TGFA: variants seen among roughly 807,000 people sequenced by gnomAD.
TGFA encodes the protein transforming growth factor alpha, also known as protransforming growth factor alpha.
In TGFA, 12 loss-of-function variants were observed where a neutral mutation model predicts 21.7. The observed-to-expected ratio is 0.55, with a 90% CI of 0.35 to 0.90. The LOEUF (loss-of-function observed/expected upper bound fraction) is 0.90, where lower values mean the gene tolerates loss of function less well. Ranked by LOEUF, TGFA falls within the 40% of genes least tolerant of loss-of-function variation. The pLI is 0.01. For missense variants in TGFA, 178 were observed against 210.8 expected, an observed-to-expected ratio of 0.84 and a Z score of 0.96; for synonymous variants, 79 against 88.1, an observed-to-expected ratio of 0.90 and a Z score of 0.58.
intron 5 of TGFA, among the ~76,000 whole-genome samples, chr2:70,452,369 G>A (rs565642198): frequency 1.3e-5 from 2 of 152,282 alleles, no homozygotes; most frequent in South Asian, 4.1e-4. Context: ...AGGCTCCTGA[G>A]GTGCAAGCTG....
At chr2:70,522,484 G>A (rs1553502450) in intron 1 of TGFA, among the ~76,000 whole-genome samples, 1 of 152,082 alleles carries the variant, frequency 6.6e-6, no homozygotes, top group East Asian at 1.9e-4. Context: ...GCCCAGGCTG[G>A]AGTACAGTGG....
At chr2:70,519,725 T>G (rs530595582) in intron 1 of TGFA, among the ~76,000 whole-genome samples, 1 of 152,380 alleles carries the variant, frequency 6.6e-6, no homozygotes, top group Admixed American at 6.5e-5. Context: ...CAGCATTACC[T>G]GAAAGCTCAT....
At chr2:70,472,063 T>A (rs970735969) in intron 2 of TGFA, among the ~76,000 whole-genome samples, 1 of 152,132 alleles carries the variant, frequency 6.6e-6, no homozygotes, top group Non-Finnish European at 1.5e-5. Flanking sequence ...CTATTGTTTT[T>A]TCTGGAAATT....
At chr2:70,459,880 A>G (rs782316708) in intron 3 of TGFA, among the ~76,000 whole-genome samples, 14 of 152,148 alleles carry the variant, frequency 9.2e-5, no homozygotes, top group African/African-American at 3.1e-4. Flanking sequence ...CTGAGCGAAC[A>G]CTTCCCCAAG....
rs78432344 is a variant in TGFA, at chr2:70,475,998, C to A, written c.95-10262G>T. 3.2e-3 allele frequency among the ~76,000 whole-genome samples: 471 copies of A among 149,010 alleles called. 1 individual carries two copies. The highest frequency in any genetic ancestry group is 0.011 in the African/African-American group (448 of 40,518). ...AGATCACACTCTCTGCCACTAAGCT[C>A]CTCTTCCTCCTCATGACCCCATTTC... On this transcript the variant is annotated intron_variant, in intron 2 of 5. Coordinates refer to ENST00000295400, the MANE Select transcript of TGFA (RefSeq NM_003236.4).
At chr2:70,475,262 C>G (rs1418631619) in intron 2 of TGFA, among the ~76,000 whole-genome samples, 1 of 152,138 alleles carries the variant, frequency 6.6e-6, no homozygotes, top group East Asian at 1.9e-4. Context: ...GGAGCAGCTA[C>G]TATTGGATTG....
chr2:70,497,669 G>A (rs1553498538), intron 2 of TGFA, among the ~76,000 whole-genome samples: 1 of 152,140 alleles, frequency 6.6e-6, no homozygotes, highest in East Asian at 1.9e-4. Flanking sequence ...AAGAGAAAGT[G>A]GCCTCCAGGT....
chr2:70,552,143 C>T (rs772050055), intron 1 of TGFA, among the ~76,000 whole-genome samples: 1 of 152,130 alleles, frequency 6.6e-6, no homozygotes, highest in Non-Finnish European at 1.5e-5. Context: ...ATTCACATTC[C>T]TTCCACGTTC....
intron 1 of TGFA, among the ~76,000 whole-genome samples, chr2:70,533,239 G>A (rs1381006066): frequency 1.3e-5 from 2 of 152,136 alleles, no homozygotes; most frequent in African/African-American, 2.4e-5. Flanking sequence ...TGGACTCCTT[G>A]TGTTCTGAGG....
rs1443041654 is a variant in TGFA, at chr2:70,553,304, G to A, written c.40+424C>T. On this transcript the variant is annotated intron_variant, in intron 1 of 5. Coordinates refer to ENST00000295400, the MANE Select transcript of TGFA (RefSeq NM_003236.4). Reference sequence around the variant, plus strand: ...TGCCAAAGGGGCGCAGGCAAGACCCGGCCAGAGGGTTAGACGCCGGCCCCC... The same window carrying A: ...TGCCAAAGGGGCGCAGGCAAGACCCAGCCAGAGGGTTAGACGCCGGCCCCC... 3.9e-6 allele frequency: 6 copies of A among 1,525,018 alleles called. No homozygotes were observed. In the East Asian group the frequency reaches 1.2e-4, roughly 31 times the overall value. The allele number at this position is 1,525,018 out of a possible 1,614,324, so 94.5% of individuals were successfully genotyped here.
At chr2:70,474,323 T>C (rs1186161565) in intron 2 of TGFA, among the ~76,000 whole-genome samples, 1 of 152,248 alleles carries the variant, frequency 6.6e-6, no homozygotes, top group African/African-American at 2.4e-5. Flanking sequence ...TTCTCTGATA[T>C]TGAGATACTG....
At chr2:70,476,857 T>G (rs1293810091) in intron 2 of TGFA, among the ~76,000 whole-genome samples, 1 of 152,238 alleles carries the variant, frequency 6.6e-6, no homozygotes, top group African/African-American at 2.4e-5. Context: ...AAGATGTGAC[T>G]CTCTTTCCTA....
chr2:70,508,612 G>A (rs1672003528), intron 2 of TGFA, among the ~76,000 whole-genome samples: 1 of 152,178 alleles, frequency 6.6e-6, no homozygotes, highest in East Asian at 1.9e-4. Context: ...GTAAAGTGAT[G>A]CAGAATGCCA....
At chr2:70,543,781 C>G (rs1553505503) in intron 1 of TGFA, among the ~76,000 whole-genome samples, 1 of 152,084 alleles carries the variant, frequency 6.6e-6, no homozygotes, top group Non-Finnish European at 1.5e-5. Flanking sequence ...GTTGGTTATC[C>G]TGATACTTCA....
intron 1 of TGFA, among the ~76,000 whole-genome samples, chr2:70,539,870 C>T (rs113514223): frequency 1.3e-3 from 203 of 152,248 alleles, no homozygotes; most frequent in African/African-American, 4.7e-3. Flanking sequence ...TAGTTGTTCC[C>T]GTGCCAGGTG....
chr2:70,514,835 C>T (rs1672219556), intron 2 of TGFA, 24 bp downstream of exon 2: 2 of 1,613,356 alleles, frequency 1.2e-6, no homozygotes, highest in African/African-American at 1.3e-5. Flanking sequence ...ACACGATCCA[C>T]ACACCCACGG....
chr2:70,485,504 G>A (rs913491450), intron 2 of TGFA, among the ~76,000 whole-genome samples: 1 of 152,158 alleles, frequency 6.6e-6, no homozygotes, highest in Admixed American at 6.5e-5. Context: ...CCAAAGTGCT[G>A]GCACAGTCCC....
chr2:70,460,548 C>T (rs1670377056), intron 3 of TGFA, among the ~76,000 whole-genome samples: 1 of 152,176 alleles, frequency 6.6e-6, no homozygotes, highest in Admixed American at 6.5e-5. Context: ...CGTTGGTTCT[C>T]ACCTGGCTGC....
At chr2:70,497,693 T>C (rs1324276468) in intron 2 of TGFA, among the ~76,000 whole-genome samples, 2 of 152,118 alleles carry the variant, frequency 1.3e-5, no homozygotes, top group Non-Finnish European at 2.9e-5. Context: ...GAAAAGACAG[T>C]GGTGGCCTGT....
Sources: gnomAD v4.1 joint callset for allele counts (sites outside exome capture counted in the v4.1 genomes callset) on GRCh38, gnomAD v4.1.1 for gene constraint, MANE v1.5 for transcripts, NCBI Gene and HGNC (gene_info 2026-07-23, HGNC 2026-07-21) for gene names.